TECTA: variants seen among roughly 807,000 people sequenced by gnomAD.
TECTA encodes the protein tectorin alpha.
Under a neutral mutation model 216.8 loss-of-function variants are expected in TECTA, and 128 were observed. The ratio of observed to expected loss-of-function variants is 0.59; its 90% CI spans 0.51 to 0.68. The LOEUF (loss-of-function observed/expected upper bound fraction) is 0.68, where lower values mean the gene tolerates loss of function less well. Among genes scored for constraint, TECTA ranks in the 30% least tolerant of loss-of-function variants. The pLI is 0.00. For synonymous variants in TECTA, 1,089 were observed against 1,117.1 expected, an observed-to-expected ratio of 0.97 and a Z score of 0.50; for missense variants, 2,551 against 2,786.2, an observed-to-expected ratio of 0.92 and a Z score of 1.90.
At chr11:121,117,677 C>A (rs1946513567) in intron 6 of TECTA, among the ~76,000 whole-genome samples, 1 of 152,156 alleles carries the variant, frequency 6.6e-6, no homozygotes. Context: ...GGAAAGAAGA[C>A]AATTTGTGTA....
intron 15 of TECTA, among the ~76,000 whole-genome samples, chr11:121,161,426 A>G (rs2135124342): frequency 6.6e-6 from 1 of 151,930 alleles, no homozygotes; most frequent in South Asian, 2.1e-4. Context: ...TACATTTAGA[A>G]CACTACATTA....
chr11:121,137,596 C>G lies in TECTA; in HGVS notation c.3117C>G (p.Asn1039Lys). 6.2e-7 allele frequency: 1 copy of G among 1,613,958 alleles called. No homozygotes were observed. Among genetic ancestry groups the G allele is most frequent in the Middle Eastern group, 1.6e-4 (1 of 6,062 alleles). Residue 1039 changes from asparagine (N) to lysine (K), a missense_variant, in exon 11 of 24, where the codon AAC becomes AAG. Coordinates refer to ENST00000392793, the MANE Select transcript of TECTA (RefSeq NM_005422.4). ...QCVTRSECGC[N>K]FEGHQLATNE... Reference sequence around the variant, plus strand: ...TCACGCGGAGTGAGTGTGGCTGCAACTTTGAGGGGCACCAACTTGCCACCA... The same window carrying G: ...TCACGCGGAGTGAGTGTGGCTGCAAGTTTGAGGGGCACCAACTTGCCACCA...
intron 10 of TECTA, among the ~76,000 whole-genome samples, chr11:121,131,781 C>T (rs1946677492): frequency 2.0e-5 from 3 of 152,318 alleles, no homozygotes; most frequent in Admixed American, 2.0e-4. Context: ...AGTTATTTTG[C>T]AGACTGTTTC....
At chr11:121,173,278 G>A (rs1252317274) in intron 20 of TECTA, among the ~76,000 whole-genome samples, 2 of 150,540 alleles carry the variant, frequency 1.3e-5, no homozygotes, top group Non-Finnish European at 3.0e-5. Context: ...CCTATGTCCT[G>A]AATGGTAAAG....
At chr11:121,143,778 G>T (rs907566878) in intron 11 of TECTA, among the ~76,000 whole-genome samples, 1 of 152,204 alleles carries the variant, frequency 6.6e-6, no homozygotes. Context: ...CATCCCTGTT[G>T]TCTTAGGTCA....
chr11:121,187,541 G>T (rs1203374369), intron 20 of TECTA, among the ~76,000 whole-genome samples: 3 of 152,220 alleles, frequency 2.0e-5, no homozygotes, highest in African/African-American at 7.2e-5. Flanking sequence ...GGCGGAATGA[G>T]AAACTGAAGC....
rs1438087814 is a variant in TECTA at position 121,162,433 on chromosome 11, G to A, written c.5272+63G>A. On this transcript the variant is annotated intron_variant, in intron 16 of 23. Transcript: ENST00000392793. Reference sequence around the variant, plus strand: ...AGTGAAAAGAACAGCTTTGCTGGTAGCATTGCTTTTTCTAGGGATGACTGG... The same window carrying A: ...AGTGAAAAGAACAGCTTTGCTGGTAACATTGCTTTTTCTAGGGATGACTGG... 6 of 1,558,104 alleles carry A rather than the reference G, an allele frequency of 3.9e-6. No individual in the cohort carries two copies. The Admixed American group carries it at 1.1e-4, about 29-fold the overall frequency.
rs892576232 is a variant in TECTA, at chr11:121,113,523, C to A, written c.625-30C>A. 2.5e-6 allele frequency: 4 copies of A among 1,613,774 alleles called. No homozygotes were observed. The African/African-American group carries it at 4.0e-5, about 16-fold the overall frequency. On this transcript the variant is annotated intron_variant, in intron 5 of 23. Coordinates refer to ENST00000392793, the MANE Select transcript of TECTA (RefSeq NM_005422.4). The surrounding 1 kb of genome is among the most constrained non-coding windows in gnomAD (Gnocchi z 4.2). ...TTAACCCATGGGGAATTTTTGTACT[C>A]AAAAATCTTGTCTTCCTTTTGTGCT...
intron 20 of TECTA, among the ~76,000 whole-genome samples, chr11:121,182,668 G>A (rs1276569570): frequency 6.6e-6 from 1 of 152,088 alleles, no homozygotes; most frequent in Non-Finnish European, 1.5e-5. Flanking sequence ...GGTACATGCA[G>A]CCATCGGTGT....
intron 10 of TECTA, among the ~76,000 whole-genome samples, chr11:121,131,910 T>C (rs1409847801): frequency 6.6e-6 from 1 of 152,236 alleles, no homozygotes; most frequent in Non-Finnish European, 1.5e-5. Context: ...GCCTCTGATG[T>C]TGGTTTGTCC....
chr11:121,160,796 C>T (rs553505053), intron 15 of TECTA, among the ~76,000 whole-genome samples: 23 of 152,146 alleles, frequency 1.5e-4, no homozygotes, highest in Non-Finnish European at 2.9e-4. Context: ...ATCTTTGACT[C>T]CCTTAATGCT....
rs556582008 is a variant in TECTA at position 121,186,974 on chromosome 11, C to T, written c.6000-858C>T. The stretch of plus-strand genomic sequence containing the variant: ...ATTGGAGACACAGTAAGGAACATGA[C>T]TTGGTTCCTGCACTCAAGGAGCTCA... On this transcript the variant is annotated intron_variant, in intron 20 of 23. Coordinates refer to ENST00000392793, the MANE Select transcript of TECTA (RefSeq NM_005422.4). 2.6e-5 allele frequency among the ~76,000 whole-genome samples: 4 copies of T among 152,282 alleles called. No individual in the cohort carries two copies. The East Asian group carries it at 7.7e-4, about 29-fold the overall frequency.
chr11:121,117,882 T>C (rs1468024089), intron 6 of TECTA, among the ~76,000 whole-genome samples: 1 of 152,178 alleles, frequency 6.6e-6, no homozygotes, highest in African/African-American at 2.4e-5. Flanking sequence ...AATGAACAAA[T>C]TAGCAAGCAA....
intron 15 of TECTA, 49 bp downstream of exon 15, chr11:121,160,470 T>C (rs1468165330): frequency 1.3e-6 from 2 of 1,599,330 alleles, no homozygotes; most frequent in East Asian, 4.5e-5. Context: ...CCAAGTTCTC[T>C]CACGTCCATG....
At chr11:121,116,539 C>G (rs893827279) in intron 6 of TECTA, among the ~76,000 whole-genome samples, 2 of 152,186 alleles carry the variant, frequency 1.3e-5, no homozygotes, top group Non-Finnish European at 2.9e-5. Flanking sequence ...TCATTCTTTT[C>G]CTCCTGAGTT....
chr11:121,180,397 C>T (rs1360524259), intron 20 of TECTA, among the ~76,000 whole-genome samples: 2 of 151,914 alleles, frequency 1.3e-5, no homozygotes, highest in Non-Finnish European at 2.9e-5. Context: ...GTATAGTATT[C>T]TTGATTAGCA....
At chr11:121,111,320 C>G (rs1478626692) in intron 4 of TECTA, among the ~76,000 whole-genome samples, 1 of 152,218 alleles carries the variant, frequency 6.6e-6, no homozygotes, top group African/African-American at 2.4e-5. Context: ...TTCAAATCTC[C>G]TAGGAGACAG....
rs1346234726 is a variant in TECTA at position 121,186,092 on chromosome 11, TAATG to T, written c.6000-1734_6000-1731del. Among the ~76,000 whole-genome samples, 97 of 115,874 alleles carry T rather than the reference TAATG, an allele frequency of 8.4e-4. 2 individuals carry two copies. Among genetic ancestry groups the T allele is most frequent in the Middle Eastern group, 4.4e-3 (1 of 228 alleles). The allele number at this position is 115,874 out of a possible 152,430, so 76.0% of individuals were successfully genotyped here. ...GTAGGGAAAGCAGATGTTCAATGCTTAATGAATGAGTAGGGAAAGAAGATGTTCA... is the reference window on the plus strand; with the variant it reads ...GTAGGGAAAGCAGATGTTCAATGCTTAATGAGTAGGGAAAGAAGATGTTCA... On this transcript the variant is annotated intron_variant, in intron 20 of 23. Transcript: ENST00000392793.
intron 9 of TECTA, among the ~76,000 whole-genome samples, chr11:121,128,771 C>A (rs559736433): frequency 2.0e-5 from 3 of 152,290 alleles, no homozygotes; most frequent in Admixed American, 6.5e-5. Context: ...CCAGAATCTG[C>A]GCTCTTAACC....
Sources: allele counts gnomAD v4.1 joint callset (sites outside exome capture counted in the v4.1 genomes callset), GRCh38; gene constraint gnomAD v4.1.1; non-coding constraint Gnocchi (gnomAD v3.1); transcripts MANE v1.5; gene names NCBI Gene and HGNC (gene_info 2026-07-23, HGNC 2026-07-21).